NBEAL1: variants seen among roughly 807,000 people sequenced by gnomAD.
NBEAL1 encodes neurobeachin-like protein 1.
In NBEAL1, 273 loss-of-function variants were observed where a neutral mutation model predicts 351.3. The ratio of observed to expected loss-of-function variants is 0.78; its 90% CI spans 0.70 to 0.86. NBEAL1 has a LOEUF of 0.86. NBEAL1 is among the 40% of genes least tolerant of loss of function. The pLI is 0.00. For missense variants in NBEAL1, 2,961 were observed against 3,201.3 expected (o/e 0.92, Z 1.81); for synonymous variants, 1,050 against 1,086.4 (o/e 0.97, Z 0.66).
At chr2:203,189,878 G>A (rs561939578) in intron 45 of NBEAL1, among the ~76,000 whole-genome samples, 2 of 151,484 alleles carry the variant, frequency 1.3e-5, no homozygotes, top group South Asian at 4.2e-4. Context: ...GCTCACGCCT[G>A]TAATCCCAGC....
chr2:203,151,640 G>T lies in NBEAL1; in HGVS notation c.5587+51G>T, dbSNP rs756542871. On this transcript the variant is annotated intron_variant, in intron 35 of 55. Transcript: ENST00000683969. ...TTTGTTGAAGATAATGAGAGTGTTC[G>T]TGGGGTTGACGATTGTTATTTTATT... 8.6e-6 allele frequency: 13 copies of T among 1,503,222 alleles called. No homozygotes were observed. The Admixed American group carries it at 1.1e-4, about 13-fold the overall frequency. The allele number at this position is 1,503,222 out of a possible 1,614,324, so 93.1% of individuals were successfully genotyped here.
At position 203,083,199 on chromosome 2, in the gene NBEAL1, T is replaced by C. The variant is rs775346603; in HGVS notation, c.685-20T>C. 2.1e-5 allele frequency: 32 copies of C among 1,530,328 alleles called. No individual in the cohort carries two copies. The African/African-American group carries it at 4.0e-4, about 19-fold the overall frequency. The allele number at this position is 1,530,328 out of a possible 1,614,324, so 94.8% of individuals were successfully genotyped here. ...CTTCATTAGGTTTAGGTTTCATTTTTATTGTCTCTAATGTTTCAGAGGAAT... is the reference window on the plus strand; with the variant it reads ...CTTCATTAGGTTTAGGTTTCATTTTCATTGTCTCTAATGTTTCAGAGGAAT... On this transcript the variant is annotated intron_variant, in intron 8 of 55. Coordinates refer to ENST00000683969, the MANE Select transcript of NBEAL1 (RefSeq NM_001378026.1).
In NBEAL1 at chr2:203,193,896, G is replaced by T. The variant is rs1488323216; in HGVS notation, c.7023G>T (p.Lys2341Asn). Residue 2341 changes from lysine (K) to asparagine (N), a missense_variant, in exon 47 of 56, where the codon AAG (lysine) becomes AAT (asparagine). By Grantham distance (94) the Lys-to-Asn change is moderately conservative. Transcript: ENST00000683969. ...LNLFQHLPEL[K>N]SFFIEGISDG... ...TGTTTCAACACCTTCCTGAACTCAA[G>T]TCATTTTTTATAGAGGTAATATCCT... 4.4e-6 allele frequency: 7 copies of T among 1,604,304 alleles called. No individual in the cohort carries two copies. The highest frequency in any genetic ancestry group is 6.0e-6 in the Non-Finnish European group (7 of 1,173,270).
intron 14 of NBEAL1, 40 bp downstream of exon 14, chr2:203,108,228 TAAC>T: frequency 7.2e-7 from 1 of 1,382,516 alleles, no homozygotes; most frequent in Non-Finnish European, 9.9e-7. Flanking sequence ...AATACTGTCA[TAAC>T]AATATATGCT....
chr2:203,127,578 T>G (rs2062968001), intron 23 of NBEAL1, among the ~76,000 whole-genome samples: 1 of 151,896 alleles, frequency 6.6e-6, no homozygotes, highest in African/African-American at 2.4e-5. Context: ...AAAAATTAGC[T>G]GGGCGTGGTG....
chr2:203,084,413 G>T, intron 9 of NBEAL1, 50 bp from the exon 10 acceptor site: 1 of 937,884 alleles, frequency 1.1e-6, no homozygotes. Context: ...ATGTTTGTAT[G>T]ATCCCAAATT....
intron 7 of NBEAL1, among the ~76,000 whole-genome samples, chr2:203,072,693 T>C (rs1387723056): frequency 6.6e-6 from 1 of 152,158 alleles, no homozygotes; most frequent in Non-Finnish European, 1.5e-5. Context: ...CCCTTTCCAC[T>C]AGTTTTCAAT....
intron 4 of NBEAL1, among the ~76,000 whole-genome samples, chr2:203,055,529 C>G (rs1034715840): frequency 1.3e-5 from 2 of 151,832 alleles, no homozygotes; most frequent in Non-Finnish European, 2.9e-5. Context: ...TGCATGAGCC[C>G]AAGAGTTTGA....
chr2:203,136,352 T>C (rs1264054684), intron 28 of NBEAL1, 100 bp downstream of exon 28: 1 of 931,952 alleles, frequency 1.1e-6, no homozygotes. Flanking sequence ...AATTTCATAT[T>C]GTATTCATGT....
intron 36 of NBEAL1, among the ~76,000 whole-genome samples, chr2:203,161,431 T>C (rs2063955172): frequency 6.7e-6 from 1 of 150,230 alleles, no homozygotes; most frequent in African/African-American, 2.5e-5. Flanking sequence ...GAGATTGAGA[T>C]CATCCTGGCC....
chr2:203,037,827 T>C lies in NBEAL1; in HGVS notation c.52-3938T>C, dbSNP rs975519742. On this transcript the variant is annotated intron_variant, in intron 2 of 55. Transcript: ENST00000683969. ...CAAAAATACAAAAAATACAGCATGA[T>C]AGCTGTAATCCCAGCTACTTGGAAT... Among the ~76,000 whole-genome samples, 2 of 148,994 alleles carry C rather than the reference T, an allele frequency of 1.3e-5. 1 individual carries two copies. Among genetic ancestry groups the C allele is most frequent in the Non-Finnish European group, 3.0e-5 (2 of 66,498 alleles).
Position 203,035,337 on chromosome 2 carries a change from A to G in NBEAL1, c.52-6428A>G, listed in dbSNP as rs542913207. Among the ~76,000 whole-genome samples the G allele has an allele frequency of 2.0e-5, 3 of 149,454 alleles. 1 individual carries two copies. Among genetic ancestry groups the G allele is most frequent in the Non-Finnish European group, 4.5e-5 (3 of 66,590 alleles). On this transcript the variant is annotated intron_variant, in intron 2 of 55. Transcript: ENST00000683969. Reference sequence around the variant, plus strand: ...GAGGAGATGACTGGATTTAAATTTAACACATCTCATTAGTAGGTGTGTATA... The same window carrying G: ...GAGGAGATGACTGGATTTAAATTTAGCACATCTCATTAGTAGGTGTGTATA...
chr2:203,061,524 T>A (rs1488458513), intron 6 of NBEAL1: 2 of 152,512 alleles, frequency 1.3e-5, no homozygotes, highest in Non-Finnish European at 2.9e-5. Flanking sequence ...CAAAGGGAAC[T>A]GGAAAATGTG....
chr2:203,039,746 C>G (rs1330260004), intron 2 of NBEAL1, among the ~76,000 whole-genome samples: 1 of 152,110 alleles, frequency 6.6e-6, no homozygotes, highest in East Asian at 1.9e-4. Flanking sequence ...GTTAATGATC[C>G]ATTTCCAATT....
Position 203,108,053 on chromosome 2 carries a change from T to C in NBEAL1, c.1814T>C (p.Met605Thr), listed in dbSNP as rs1363639513. 6.4e-7 allele frequency: 1 copy of C among 1,552,968 alleles called. No homozygotes were observed. The highest frequency in any genetic ancestry group is 8.7e-7 in the Non-Finnish European group (1 of 1,147,376). The change falls in exon 14 of 56, where the codon ATG (methionine) becomes ACG (threonine). Residue 605 changes from methionine (M) to threonine (T), a missense_variant. Transcript: ENST00000683969. ...CAGTATTTCAATTTGTCACATAGTA[T>C]GGCAGGAATTTCTGTGCCTCCCATA... is the stretch of plus-strand genomic sequence containing the variant. ...ALQYFNLSHS[M>T]AGISVPPIQK...
rs577154478 is a variant in NBEAL1 at position 203,205,780 on chromosome 2, T to C, written c.7507-2857T>C. ...ACCAAATAAATTTAGGAAGGGCTCC[T>C]CTTTCTCTTGACTTGGAATTGCTTC... is the stretch of plus-strand genomic sequence containing the variant. On this transcript the variant is annotated intron_variant, in intron 51 of 55. Coordinates refer to ENST00000683969, the MANE Select transcript of NBEAL1 (RefSeq NM_001378026.1). Among the ~76,000 whole-genome samples, 914 of 152,374 alleles carry C rather than the reference T, an allele frequency of 6.0e-3. 15 individuals are homozygous for C. The highest frequency in any genetic ancestry group is 0.021 in the African/African-American group (859 of 41,598).
chr2:203,177,364 C>A (rs1370919880), intron 42 of NBEAL1, among the ~76,000 whole-genome samples: 19 of 140,674 alleles, frequency 1.4e-4, no homozygotes, highest in Non-Finnish European at 2.6e-4. Context: ...GTGAGACGCC[C>A]ATCTCTATTA....
intron 38 of NBEAL1, 114 bp downstream of exon 38, chr2:203,167,474 G>A (rs1319840024): frequency 9.4e-7 from 1 of 1,059,864 alleles, no homozygotes; most frequent in Non-Finnish European, 1.3e-6. Flanking sequence ...AATGTTAGAG[G>A]AAAAAATACA....
rs74499508 is a variant in NBEAL1 at position 203,134,754 on chromosome 2, T to G, written c.3814-923T>G. Reference sequence around the variant, plus strand: ...TACGTATTCTCATGTCACTGTTTACTATTCTAGCTAAGCAGTGGCATCCAT... The same window carrying G: ...TACGTATTCTCATGTCACTGTTTACGATTCTAGCTAAGCAGTGGCATCCAT... On this transcript the variant is annotated intron_variant, in intron 27 of 55. Coordinates refer to ENST00000683969, the MANE Select transcript of NBEAL1 (RefSeq NM_001378026.1). Among the ~76,000 whole-genome samples, 5 of 152,364 alleles carry G rather than the reference T, an allele frequency of 3.3e-5. No individual in the cohort carries two copies. The East Asian group carries it at 9.6e-4, about 29-fold the overall frequency.
Sources: gnomAD v4.1 joint callset for allele counts (sites outside exome capture counted in the v4.1 genomes callset) on GRCh38, gnomAD v4.1.1 for gene constraint, MANE v1.5 for transcripts, NCBI Gene and HGNC (gene_info 2026-07-23, HGNC 2026-07-21) for gene names.